Variants in SRPK2 observed in about 807,000 individuals in gnomAD.
The protein encoded by SRPK2 is SRSF protein kinase 2, also known as SFRS protein kinase 2.
SRPK2 carries 21 observed loss-of-function variants against 90.8 expected under a neutral mutation model. The ratio of observed to expected loss-of-function variants is 0.23; its 90% CI spans 0.16 to 0.33. The LOEUF is 0.33. Among genes scored for constraint, SRPK2 ranks in the 10% least tolerant of loss-of-function variants. The probability of loss-of-function intolerance (pLI) is 1.00; values close to 1 mark genes in which losing one functional copy is unlikely to be tolerated. For missense variants in SRPK2, 620 were observed against 869.0 expected, an observed-to-expected ratio of 0.71 and a Z score of 3.60; for synonymous variants, 288 against 311.1, an observed-to-expected ratio of 0.93 and a Z score of 0.78.
intron 3 of SRPK2, among the ~76,000 whole-genome samples, chr7:105,186,668 G>T (rs1191310505): frequency 1.3e-5 from 2 of 152,132 alleles, no homozygotes; most frequent in Non-Finnish European, 2.9e-5. Context: ...TCAAGAAATG[G>T]ACTCTAATCA....
chr7:105,311,033 A>C (rs1275212382), intron 2 of SRPK2, among the ~76,000 whole-genome samples: 1 of 152,128 alleles, frequency 6.6e-6, no homozygotes, highest in Admixed American at 6.6e-5. Flanking sequence ...TTAACCGCTT[A>C]GTTGACTAAA....
intron 6 of SRPK2, among the ~76,000 whole-genome samples, chr7:105,164,197 T>A (rs1443261766): frequency 6.6e-6 from 1 of 152,188 alleles, no homozygotes; most frequent in Non-Finnish European, 1.5e-5. Flanking sequence ...TTTTTTGGGA[T>A]GCTGAGGCAT....
At chr7:105,131,607 G>A (rs1802013600) in intron 13 of SRPK2, among the ~76,000 whole-genome samples, 1 of 152,188 alleles carries the variant, frequency 6.6e-6, no homozygotes, top group Admixed American at 6.5e-5. Flanking sequence ...CTGAAAGACA[G>A]AAAGCACCCT....
chr7:105,326,003 G>A (rs1414814217), intron 2 of SRPK2, among the ~76,000 whole-genome samples: 2 of 152,202 alleles, frequency 1.3e-5, no homozygotes, highest in Admixed American at 1.3e-4. Flanking sequence ...GTCCCCTGCC[G>A]GCGGGACACT....
chr7:105,372,413 T>C (rs1819808141), intron 2 of SRPK2, among the ~76,000 whole-genome samples: 5 of 152,176 alleles, frequency 3.3e-5, no homozygotes, highest in Admixed American at 2.6e-4. Flanking sequence ...CAAATTGTCA[T>C]AAAATTTAAT....
intron 2 of SRPK2, among the ~76,000 whole-genome samples, chr7:105,212,146 T>C (rs1403156041): frequency 1.3e-5 from 2 of 152,236 alleles, no homozygotes; most frequent in African/African-American, 4.8e-5. Context: ...ACTAGTACTA[T>C]TAATATTTTA....
intron 2 of SRPK2, among the ~76,000 whole-genome samples, chr7:105,289,603 A>G (rs1271000202): frequency 1.3e-5 from 2 of 152,230 alleles, no homozygotes; most frequent in Non-Finnish European, 2.9e-5. Context: ...ATAAAAATAT[A>G]AATTATTCAC....
intron 2 of SRPK2, among the ~76,000 whole-genome samples, chr7:105,287,134 G>A (rs912680291): frequency 6.7e-6 from 1 of 149,828 alleles, no homozygotes; most frequent in African/African-American, 2.4e-5. Flanking sequence ...AGTGGCGGGC[G>A]CCTGTAGTCC....
chr7:105,183,299 T>C (rs1038268534), intron 3 of SRPK2, among the ~76,000 whole-genome samples: 3 of 152,206 alleles, frequency 2.0e-5, no homozygotes, highest in African/African-American at 4.8e-5. Flanking sequence ...CACATTACTA[T>C]ACAAGCCAAT....
At chr7:105,255,925 T>C (rs1006261761) in intron 2 of SRPK2, among the ~76,000 whole-genome samples, 16 of 120,584 alleles carry the variant, frequency 1.3e-4, no homozygotes, top group Middle Eastern at 4.4e-3. Context: ...CCATCTCAAA[T>C]TGAAAAAAAA....
At position 105,170,782 on chromosome 7, in the gene SRPK2, CGGGA is replaced by C. The variant is rs1186265835; in HGVS notation, c.230-1521_230-1518del. Among the ~76,000 whole-genome samples, 72 of 29,358 alleles carry C rather than the reference CGGGA, an allele frequency of 2.5e-3. 3 individuals are homozygous for C. Among genetic ancestry groups the C allele is most frequent in the East Asian group, 0.016 (13 of 792 alleles). The allele number at this position is 29,358 out of a possible 152,430, so 19.3% of individuals were successfully genotyped here. A position where few individuals can be genotyped will look rare whatever the true frequency, so the allele number is the denominator to read the frequency against. ...AAGGAAGGAAGGAAGGAAGGAAGGA[CGGGA>C]GGGAGGGAGGGAGGGAGGGAGAGAG... On this transcript the variant is annotated intron_variant, in intron 3 of 15. Transcript: ENST00000393651.
chr7:105,337,878 G>C (rs999849776), intron 2 of SRPK2, among the ~76,000 whole-genome samples: 6 of 151,980 alleles, frequency 3.9e-5, no homozygotes. Context: ...AAATATGTAA[G>C]GGAGAAATAA....
intron 2 of SRPK2, among the ~76,000 whole-genome samples, chr7:105,261,928 T>C (rs1804348524): frequency 6.6e-6 from 1 of 152,054 alleles, no homozygotes; most frequent in South Asian, 2.1e-4. Context: ...AGCCAGGACA[T>C]GACCAAAGGA....
intron 2 of SRPK2, among the ~76,000 whole-genome samples, chr7:105,295,559 A>G (rs571645875): frequency 7.9e-5 from 12 of 152,320 alleles, no homozygotes; most frequent in African/African-American, 2.9e-4. Context: ...TATATGTGGT[A>G]GCGAGAATAA....
chr7:105,182,612 C>T (rs914379843), intron 3 of SRPK2, among the ~76,000 whole-genome samples: 6 of 152,036 alleles, frequency 3.9e-5, no homozygotes, highest in Middle Eastern at 3.4e-3. Context: ...CCAACATGCC[C>T]GGCTAATTTT....
At chr7:105,264,761 C>T (rs977811158) in intron 2 of SRPK2, among the ~76,000 whole-genome samples, 4 of 152,262 alleles carry the variant, frequency 2.6e-5, no homozygotes, top group Middle Eastern at 6.8e-3. Context: ...ATTTTTAGTT[C>T]ATTGTGAACT....
intron 3 of SRPK2, among the ~76,000 whole-genome samples, chr7:105,187,869 G>C (rs1184281239): frequency 6.6e-6 from 1 of 152,120 alleles, no homozygotes; most frequent in African/African-American, 2.4e-5. Flanking sequence ...ACAGAAGCAA[G>C]TAAGTCACAA....
At chr7:105,120,948 C>A (rs540409777) in intron 15 of SRPK2, among the ~76,000 whole-genome samples, 1 of 152,138 alleles carries the variant, frequency 6.6e-6, no homozygotes, top group Non-Finnish European at 1.5e-5. Context: ...AATGTAGCCA[C>A]CTCCATCACT....
At chr7:105,372,365 T>C (rs1819804373) in intron 2 of SRPK2, among the ~76,000 whole-genome samples, 1 of 152,194 alleles carries the variant, frequency 6.6e-6, no homozygotes, top group Non-Finnish European at 1.5e-5. Context: ...TAAGTAGACA[T>C]TTGACTATTT....
Sources: gnomAD v4.1 joint callset for allele counts (sites outside exome capture counted in the v4.1 genomes callset) on GRCh38, gnomAD v4.1.1 for gene constraint, MANE v1.5 for transcripts, NCBI Gene and HGNC (gene_info 2026-07-23, HGNC 2026-07-21) for gene names.